MRAP: variants seen among roughly 807,000 people sequenced by gnomAD.
MRAP encodes melanocortin 2 receptor accessory protein, also known as melanocortin-2 receptor accessory protein.
Under a neutral mutation model 8.7 loss-of-function variants are expected in MRAP, and 8 were observed. That is an observed-to-expected ratio of 0.92 (90% confidence interval 0.54 to 1.66). The LOEUF (loss-of-function observed/expected upper bound fraction) is 1.66, where lower values mean the gene tolerates loss of function less well. Ranked by LOEUF, MRAP falls within the 40% of genes most tolerant of loss-of-function variation. The pLI is 0.00. For synonymous variants in MRAP, 95 were observed against 95.5 expected, an observed-to-expected ratio of 1.00 and a Z score of 0.03; for missense variants, 237 against 217.1, an observed-to-expected ratio of 1.09 and a Z score of -0.58.
intron 2 of MRAP, chr21:32,310,921 A>T (rs2032547847): frequency 6.6e-6 from 1 of 152,280 alleles, no homozygotes; most frequent in Non-Finnish European, 1.5e-5. Flanking sequence ...CTAGGATTAC[A>T]GGTGTGAACC....
chr21:32,312,998 G>C (rs1480145503), downstream of MRAP: 1 of 152,260 alleles, frequency 6.6e-6, no homozygotes, highest in Non-Finnish European at 1.5e-5. Flanking sequence ...GGATTTAAAA[G>C]GGAGAACAAA....
rs115219485 is a variant in MRAP at position 32,300,506 on chromosome 21, G to A, written c.106+1429G>A. ...ATGCGTCCTATGTCGGATGTGTCAC[G>A]CATCCTATGTCACGTCATGCGTCGC... is the stretch of plus-strand genomic sequence containing the variant. On this transcript the variant is annotated intron_variant, in intron 1 of 2. Coordinates refer to ENST00000303645, the MANE Select transcript of MRAP (RefSeq NM_001379228.1). 9.9e-3 allele frequency among the ~76,000 whole-genome samples: 1,491 copies of A among 149,884 alleles called. 37 individuals carry two copies. Among genetic ancestry groups the A allele is most frequent in the East Asian group, 0.081 (407 of 5,022 alleles).
chr21:32,297,884 C>T (rs909282996), upstream of MRAP, among the ~76,000 whole-genome samples: 39 of 152,188 alleles, frequency 2.6e-4, no homozygotes, highest in Admixed American at 6.5e-5. Flanking sequence ...ATGCCTCAGG[C>T]GTGGCAGGCC....
intron 2 of MRAP, 49 bp from the exon 3 acceptor site, chr21:32,311,635 T>G: frequency 6.2e-7 from 1 of 1,601,194 alleles, no homozygotes; most frequent in Non-Finnish European, 8.5e-7. Flanking sequence ...CAGTATGGAC[T>G]GTTCTGCAGC....
Position 32,299,150 on chromosome 21 carries a change from T to C in MRAP, c.106+73T>C. On this transcript the variant is annotated intron_variant, in intron 1 of 2. Transcript: ENST00000303645. Reference sequence around the variant, plus strand: ...GCCCAAATGACTGGGCACTCCCGGCTTTCTCTGCATTCACTTATTAACTCC... The same window carrying C: ...GCCCAAATGACTGGGCACTCCCGGCCTTCTCTGCATTCACTTATTAACTCC... 3 of 1,122,434 alleles carry C rather than the reference T, an allele frequency of 2.7e-6. No homozygotes were observed. In the South Asian group the frequency reaches 3.9e-5, roughly 15 times the overall value. 69.5% of individuals were successfully genotyped at this position (1,122,434 alleles called of 1,614,324 possible). A position where few individuals can be genotyped will look rare whatever the true frequency, so the allele number is the denominator to read the frequency against.
At chr21:32,299,906 G>A (rs1337188308) in intron 1 of MRAP, among the ~76,000 whole-genome samples, 1 of 152,208 alleles carries the variant, frequency 6.6e-6, no homozygotes, top group African/African-American at 2.4e-5. Flanking sequence ...AACGTGGCAT[G>A]TGTGGACAAT....
chr21:32,308,300 G>A (rs993137881), intron 2 of MRAP, among the ~76,000 whole-genome samples: 4 of 151,694 alleles, frequency 2.6e-5, no homozygotes, highest in Admixed American at 1.3e-4. Flanking sequence ...TCGCTTGAAC[G>A]CAGGAGGCAG....
chr21:32,310,810 C>A (rs2032545181), intron 2 of MRAP, among the ~76,000 whole-genome samples: 1 of 152,036 alleles, frequency 6.6e-6, no homozygotes, highest in Non-Finnish European at 1.5e-5. Context: ...CCACACCCAG[C>A]TAATTTTTGT....
At chr21:32,300,632 C>T (rs1048633577) in intron 1 of MRAP, among the ~76,000 whole-genome samples, 12 of 35,438 alleles carry the variant, frequency 3.4e-4, no homozygotes, top group East Asian at 2.2e-3. Flanking sequence ...ATGTCAGATG[C>T]GTCACACGTC....
chr21:32,301,527 G>T (rs1185253939), intron 1 of MRAP, among the ~76,000 whole-genome samples: 1 of 152,194 alleles, frequency 6.6e-6, no homozygotes, highest in African/African-American at 2.4e-5. Context: ...GGCCCTGCCT[G>T]AATTGACTAA....
intron 1 of MRAP, among the ~76,000 whole-genome samples, chr21:32,303,601 A>G (rs765547811): frequency 6.6e-6 from 1 of 152,228 alleles, no homozygotes; most frequent in Non-Finnish European, 1.5e-5. Context: ...AGGAAAGAAC[A>G]GGCAGGGAGG....
Position 32,311,724 on chromosome 21 carries a change from G to C in MRAP, c.247G>C (p.Gly83Arg). ...KHHQTCPWSH[G>R]LNLHLCIQKC... ...CCACCAAACATGCCCCTGGAGTCAC[G>C]GCCTCAACCTCCACCTCTGCATCCA... Residue 83 changes from glycine to arginine, a missense_variant, in exon 3 of 3, where the codon GGC becomes CGC. Gly to Arg is a moderately radical substitution (Grantham distance 125). Coordinates refer to ENST00000303645, the MANE Select transcript of MRAP (RefSeq NM_001379228.1). 1 of 1,613,974 alleles carries C rather than the reference G, an allele frequency of 6.2e-7. No homozygotes were observed. Among genetic ancestry groups the C allele is most frequent in the East Asian group, 2.2e-5 (1 of 44,870 alleles).
At position 32,312,129 on chromosome 21, in the gene MRAP, G is replaced by A. The variant is rs1460696721; in HGVS notation, c.*133G>A. 3.9e-6 allele frequency: 6 copies of A among 1,548,186 alleles called. No homozygotes were observed. Among genetic ancestry groups the A allele is most frequent in the Non-Finnish European group, 5.2e-6 (6 of 1,153,396 alleles). ...ACCTAGGTCAAGTGCAACTAGAGCA[G>A]GAGCATCCTATGCCTTTGACAAAGA... On this transcript the variant is annotated 3_prime_UTR_variant, in exon 3 of 3. Transcript: ENST00000303645.
At position 32,299,289 on chromosome 21, in the gene MRAP, G is replaced by C. The variant is rs1355688864; in HGVS notation, c.106+212G>C. The stretch of plus-strand genomic sequence containing the variant: ...TCTGTAATAAGCTTGGAATTAACCT[G>C]CTAAGTCACGAAGACACTTTGGAAG... On this transcript the variant is annotated intron_variant, in intron 1 of 2. Coordinates refer to ENST00000303645, the MANE Select transcript of MRAP (RefSeq NM_001379228.1). Among the ~76,000 whole-genome samples the C allele has an allele frequency of 3.9e-5, 6 of 152,172 alleles. No homozygotes were observed. The East Asian group carries it at 1.2e-3, about 29-fold the overall frequency.
chr21:32,301,424 A>G (rs1041900092), intron 1 of MRAP, among the ~76,000 whole-genome samples: 1 of 152,176 alleles, frequency 6.6e-6, no homozygotes, highest in Non-Finnish European at 1.5e-5. Context: ...TGCTCTGGCC[A>G]TGGAAAGTGC....
In MRAP at chr21:32,312,052, C is replaced by A; in HGVS notation, c.*56C>A. 1 of 1,609,888 alleles carries A rather than the reference C, an allele frequency of 6.2e-7. No individual in the cohort carries two copies. The highest frequency in any genetic ancestry group is 8.5e-7 in the Non-Finnish European group (1 of 1,179,998). ...ACTGGTGAAATCAAGCCAACCTGGA[C>A]ACATACGTTCCTCGTTCTTCTTAGA... On this transcript the variant is annotated 3_prime_UTR_variant, in exon 3 of 3. Coordinates refer to ENST00000303645, the MANE Select transcript of MRAP (RefSeq NM_001379228.1).
intron 2 of MRAP, chr21:32,306,951 T>C: frequency 3.2e-6 from 2 of 615,700 alleles, no homozygotes; most frequent in Non-Finnish European, 5.9e-6. Flanking sequence ...CTCATGTCAG[T>C]GCTCAGTATG....
chr21:32,301,645 C>T (rs1224163547), intron 1 of MRAP, among the ~76,000 whole-genome samples: 2 of 152,202 alleles, frequency 1.3e-5, no homozygotes, highest in African/African-American at 4.8e-5. Flanking sequence ...CTCCAGATAC[C>T]AGCCTAATGC....
chr21:32,293,989 A>G (rs900424199), upstream of MRAP, among the ~76,000 whole-genome samples: 4 of 152,168 alleles, frequency 2.6e-5, no homozygotes, highest in Non-Finnish European at 5.9e-5. Context: ...ATTCAACTTA[A>G]TAATCAGTAT....
Sources: gnomAD v4.1 joint callset for allele counts (sites outside exome capture counted in the v4.1 genomes callset) on GRCh38, gnomAD v4.1.1 for gene constraint, MANE v1.5 for transcripts, NCBI Gene and HGNC (gene_info 2026-07-23, HGNC 2026-07-21) for gene names.